PMFBP1: variants seen among roughly 807,000 people sequenced by gnomAD.
PMFBP1 encodes the protein polyamine-modulated factor 1-binding protein 1.
PMFBP1 carries 131 observed loss-of-function variants against 137.8 expected under a neutral mutation model. The ratio of observed to expected loss-of-function variants is 0.95; its 90% CI spans 0.82 to 1.10. The LOEUF is 1.10. Ranked by LOEUF, PMFBP1 falls within the 50% of genes least tolerant of loss-of-function variation. PMFBP1 has a pLI of 0.00. For synonymous variants in PMFBP1, 490 were observed against 450.4 expected, an observed-to-expected ratio of 1.09 and a Z score of -1.11; for missense variants, 1,199 against 1,175.4, an observed-to-expected ratio of 1.02 and a Z score of -0.29.
intron 6 of PMFBP1, 108 bp from the exon 7 acceptor site, chr16:72,139,507 T>C: frequency 1.1e-6 from 1 of 893,220 alleles, no homozygotes; most frequent in Non-Finnish European, 1.8e-6. Context: ...TGTTGCAGAA[T>C]TATACAATTC....
chr16:72,123,048 G>A lies in PMFBP1; in HGVS notation c.2694-60C>T. ...TCGCCAGCCTCCCGCGAGCAAGGGT[G>A]CAGCTGGCTGAATGGGATGCTGGGT... On this transcript the variant is annotated intron_variant, in intron 18 of 20. Transcript: ENST00000237353. The A allele has an allele frequency of 2.0e-6, 3 of 1,468,922 alleles. No homozygotes were observed. The South Asian group carries it at 3.5e-5, about 17-fold the overall frequency. The allele number at this position is 1,468,922 out of a possible 1,614,324, so 91.0% of individuals were successfully genotyped here. A position where few individuals can be genotyped will look rare whatever the true frequency, so the allele number is the denominator to read the frequency against.
chr16:72,180,995 C>A (rs2043274277), upstream of PMFBP1, among the ~76,000 whole-genome samples: 1 of 152,144 alleles, frequency 6.6e-6, no homozygotes, highest in Non-Finnish European at 1.5e-5. Flanking sequence ...AATCCCAGCA[C>A]TTTGGGAGGC....
chr16:72,119,993 T>C lies in PMFBP1; in HGVS notation c.2865A>G (p.Leu955=). Reference sequence around the variant, plus strand: ...TGCTCGGGCCTAGGGCTTTGGTGCATAGCCTTGTGTTCTCGGCTTTCATCT... The same window carrying C: ...TGCTCGGGCCTAGGGCTTTGGTGCACAGCCTTGTGTTCTCGGCTTTCATCT... ...EKKMKAENTR[L]CTKALGPSRT... The change falls in exon 20 of 21, where the codon CTA becomes CTG. Residue 955 remains leucine (L), a synonymous_variant. Coordinates refer to ENST00000237353, the MANE Select transcript of PMFBP1 (RefSeq NM_031293.3). 6.2e-7 allele frequency: 1 copy of C among 1,614,198 alleles called. No individual in the cohort carries two copies. Among genetic ancestry groups the C allele is most frequent in the Non-Finnish European group, 8.5e-7 (1 of 1,180,032 alleles).
chr16:72,171,216 G>A lies in PMFBP1; in HGVS notation c.-8C>T. 1 of 1,613,748 alleles carries A rather than the reference G, an allele frequency of 6.2e-7. No homozygotes were observed. The highest frequency in any genetic ancestry group is 8.5e-7 in the Non-Finnish European group (1 of 1,179,776). ...CCTTACCTCATCTTTCATTTCCTTG[G>A]CAGCTCTCAATTCTCCTTTAACCTT... On this transcript the variant is annotated 5_prime_UTR_variant, in exon 2 of 21. Coordinates refer to ENST00000237353, the MANE Select transcript of PMFBP1 (RefSeq NM_031293.3).
At chr16:72,225,520 T>C in the PMFBP1 span, among the ~76,000 whole-genome samples, 1 of 151,730 alleles carries the variant, frequency 6.6e-6, no homozygotes, top group Admixed American at 6.6e-5. Context: ...CAAGACCCCA[T>C]GTCTTTACAC....
chr16:72,160,366 G>T (rs867034743), intron 3 of PMFBP1, among the ~76,000 whole-genome samples: 1 of 152,100 alleles, frequency 6.6e-6, no homozygotes, highest in Non-Finnish European at 1.5e-5. Context: ...TCAGTCTACA[G>T]GGACTTTCTT....
chr16:72,199,035 T>C, the PMFBP1 span, among the ~76,000 whole-genome samples: 1 of 152,228 alleles, frequency 6.6e-6, no homozygotes, highest in African/African-American at 2.4e-5. Flanking sequence ...CAAATGAGGC[T>C]TTGTTTTCTG....
chr16:72,160,156 A>C (rs908088688), intron 3 of PMFBP1, among the ~76,000 whole-genome samples: 1 of 152,230 alleles, frequency 6.6e-6, no homozygotes, highest in African/African-American at 2.4e-5. Flanking sequence ...CACAGAAGGA[A>C]ATTAATTGGC....
At chr16:72,213,262 C>G in the PMFBP1 span, among the ~76,000 whole-genome samples, 8 of 152,120 alleles carry the variant, frequency 5.3e-5, no homozygotes, top group Admixed American at 1.3e-4. Context: ...TCTCAGACTC[C>G]CCGTAGTCCT....
Position 72,128,850 on chromosome 16 carries a change from A to G in PMFBP1, c.1951-56T>C. On this transcript the variant is annotated intron_variant, in intron 13 of 20. Transcript: ENST00000237353. The stretch of plus-strand genomic sequence containing the variant: ...AAAGAGGTGTTAATCTCAGATAACT[A>G]TAAAAGCCCCACTCCACCCTCCCTC... 15 of 1,605,798 alleles carry G rather than the reference A, an allele frequency of 9.3e-6. No homozygotes were observed. The South Asian group carries it at 1.7e-4, about 18-fold the overall frequency.
At chr16:72,147,776 A>C (rs572280342) in intron 5 of PMFBP1, among the ~76,000 whole-genome samples, 11 of 152,258 alleles carry the variant, frequency 7.2e-5, no homozygotes, top group African/African-American at 2.7e-4. Flanking sequence ...AAAAAAGCTC[A>C]TCATCACCGG....
chr16:72,164,073 A>T (rs2043104865), intron 3 of PMFBP1, among the ~76,000 whole-genome samples: 1 of 152,102 alleles, frequency 6.6e-6, no homozygotes, highest in South Asian at 2.1e-4. Flanking sequence ...TGGGTTAAAA[A>T]AAAAAAGGTG....
the PMFBP1 span, among the ~76,000 whole-genome samples, chr16:72,184,960 C>A: frequency 2.6e-5 from 4 of 152,124 alleles, no homozygotes; most frequent in African/African-American, 9.7e-5. Flanking sequence ...AATAATTATC[C>A]ATTGCTCTCA....
At chr16:72,196,215 G>T in the PMFBP1 span, among the ~76,000 whole-genome samples, 1 of 152,058 alleles carries the variant, frequency 6.6e-6, no homozygotes, top group African/African-American at 2.4e-5. Context: ...CCCAGATACG[G>T]GAGAAAGATC....
At chr16:72,163,184 C>A (rs1186611427) in intron 3 of PMFBP1, among the ~76,000 whole-genome samples, 2 of 152,150 alleles carry the variant, frequency 1.3e-5, no homozygotes, top group Non-Finnish European at 2.9e-5. Flanking sequence ...GCAGCTAGGA[C>A]CTTCTTTATG....
chr16:72,143,063 C>T (rs913274377), intron 5 of PMFBP1, among the ~76,000 whole-genome samples: 4 of 152,044 alleles, frequency 2.6e-5, no homozygotes, highest in South Asian at 4.1e-4. Context: ...AAAATCTATT[C>T]GTGTAATCTG....
the PMFBP1 span, among the ~76,000 whole-genome samples, chr16:72,227,795 C>T: frequency 6.6e-6 from 1 of 152,058 alleles, no homozygotes; most frequent in African/African-American, 2.4e-5. Flanking sequence ...TAATATTCAC[C>T]ACATGTGGTT....
At chr16:72,225,482 A>T in the PMFBP1 span, among the ~76,000 whole-genome samples, 1 of 151,890 alleles carries the variant, frequency 6.6e-6, no homozygotes, top group East Asian at 1.9e-4. Context: ...TTGAGCCCAG[A>T]AATTCAAGAC....
the PMFBP1 span, among the ~76,000 whole-genome samples, chr16:72,198,073 C>A: frequency 6.6e-6 from 1 of 152,072 alleles, no homozygotes. Context: ...CTTTTCTTTT[C>A]TTTTTGCCTT....
Sources: gnomAD v4.1 joint callset for allele counts (sites outside exome capture counted in the v4.1 genomes callset) on GRCh38, gnomAD v4.1.1 for gene constraint, MANE v1.5 for transcripts, NCBI Gene and HGNC (gene_info 2026-07-23, HGNC 2026-07-21) for gene names.